The following STARD13 variants were observed in gnomAD, a reference collection of about 807,000 sequenced individuals.
The protein encoded by STARD13 is StAR related lipid transfer domain containing 13, also known as stAR-related lipid transfer protein 13.
STARD13 carries 62 observed loss-of-function variants against 106.4 expected under a neutral mutation model. The ratio of observed to expected loss-of-function variants is 0.58; its 90% confidence interval spans 0.48 to 0.72. The LOEUF is 0.72. Ranked by LOEUF, STARD13 falls within the 30% of genes least tolerant of loss-of-function variation. The pLI is 0.00. For missense variants in STARD13, 1,387 were observed against 1,424.0 expected, an observed-to-expected ratio of 0.97 and a Z score of 0.42; for synonymous variants, 565 against 553.0, an observed-to-expected ratio of 1.02 and a Z score of -0.31.
chr13:33,651,902 GAT>G, the STARD13 span, among the ~76,000 whole-genome samples: 1 of 152,172 alleles, frequency 6.6e-6, no homozygotes, highest in Non-Finnish European at 1.5e-5. Flanking sequence ...AGGCATCAGG[GAT>G]GTGAGTGAAG....
At chr13:33,167,455 G>GAA in intron 2 of STARD13, 96 bp downstream of exon 2, 3 of 1,293,932 alleles carry the variant, frequency 2.3e-6, no homozygotes, top group Non-Finnish European at 2.2e-6. Context: ...AAATGGGCGA[G>GAA]AAAAAAAAAT....
chr13:33,671,390 G>A, the STARD13 span, among the ~76,000 whole-genome samples: 24 of 152,260 alleles, frequency 1.6e-4, no homozygotes, highest in African/African-American at 5.5e-4. Context: ...GTTTAAAATT[G>A]GTTTTCTGGT....
the STARD13 span, among the ~76,000 whole-genome samples, chr13:33,643,291 C>T: frequency 2.6e-5 from 4 of 152,122 alleles, no homozygotes; most frequent in Admixed American, 1.3e-4. Context: ...CCTAAAAGAA[C>T]GCTGCGTATT....
intron 1 of STARD13, among the ~76,000 whole-genome samples, chr13:33,250,684 C>G (rs1374120545): frequency 2.0e-5 from 3 of 152,152 alleles, no homozygotes; most frequent in Admixed American, 2.0e-4. Context: ...TAATTTCAAC[C>G]AGTGATTTTG....
chr13:33,418,629 T>G, the STARD13 span, among the ~76,000 whole-genome samples: 1 of 152,240 alleles, frequency 6.6e-6, no homozygotes, highest in Non-Finnish European at 1.5e-5. Flanking sequence ...ATGGACAGAC[T>G]GCCTCCTCAA....
chr13:33,653,974 A>G, the STARD13 span, among the ~76,000 whole-genome samples: 17 of 152,230 alleles, frequency 1.1e-4, no homozygotes, highest in African/African-American at 3.9e-4. Context: ...CAAAACCACA[A>G]TGAGATACCA....
the STARD13 span, among the ~76,000 whole-genome samples, chr13:33,528,257 C>CATATATATGTATATATATATATATATAT: frequency 8.7e-4 from 81 of 92,862 alleles, 2 homozygotes; most frequent in African/African-American, 2.5e-3. Context: ...TATATATATA[C>CATATATATGTATATATATATATATATAT]ATATATATAT....
the STARD13 span, chr13:33,658,404 T>C: frequency 6.6e-6 from 1 of 152,266 alleles, no homozygotes; most frequent in African/African-American, 2.4e-5. Context: ...TTTGTTTATG[T>C]GGTGTTTTTA....
rs978763549 is a variant in STARD13, at chr13:33,104,648, A to C, written c.*945T>G. 9 of 153,062 alleles carry C rather than the reference A, an allele frequency of 5.9e-5. No individual in the cohort carries two copies. Among genetic ancestry groups the C allele is most frequent in the African/African-American group, 2.2e-4 (9 of 41,470 alleles). The allele number at this position is 153,062 out of a possible 1,614,324, so 9.5% of individuals were successfully genotyped here. A position where few individuals can be genotyped will look rare whatever the true frequency, so the allele number is the denominator to read the frequency against. On this transcript the variant is annotated 3_prime_UTR_variant, in exon 14 of 14. Coordinates refer to ENST00000336934, the MANE Select transcript of STARD13 (RefSeq NM_178006.4). The stretch of plus-strand genomic sequence containing the variant: ...GTCAAATAGAATGACATTTAATAAC[A>C]TTATGAAATGTATTTATAAAAACTT...
chr13:33,349,043 C>A (rs1031278382), exon 2 of STARD13: 11 of 688,710 alleles, frequency 1.6e-5, no homozygotes, highest in Non-Finnish European at 2.6e-5. Flanking sequence ...GGCAGAACAC[C>A]TAGCAAACCA....
intron 1 of STARD13, among the ~76,000 whole-genome samples, chr13:33,246,789 T>A (rs953733876): frequency 2.0e-5 from 3 of 152,170 alleles, no homozygotes; most frequent in Non-Finnish European, 4.4e-5. Flanking sequence ...GAATTATCTG[T>A]TGGCAAGAGA....
the STARD13 span, among the ~76,000 whole-genome samples, chr13:33,448,942 T>C: frequency 6.6e-6 from 1 of 152,044 alleles, no homozygotes; most frequent in Non-Finnish European, 1.5e-5. Context: ...GTTTTTGTTG[T>C]TGTTGTTGAG....
At chr13:33,226,435 CTTTTTTTTT>C (rs71196514) in intron 1 of STARD13, among the ~76,000 whole-genome samples, 1 of 130,250 alleles carries the variant, frequency 7.7e-6, no homozygotes, top group Admixed American at 7.7e-5. Context: ...AAATTTAGTT[CTTTTTTTTT>C]TTTTTTTTTT....
At chr13:33,475,263 T>C in the STARD13 span, among the ~76,000 whole-genome samples, 1 of 152,152 alleles carries the variant, frequency 6.6e-6, no homozygotes, top group African/African-American at 2.4e-5. Flanking sequence ...TTACTAAGAA[T>C]AAGAATTCTA....
At chr13:33,220,954 G>A (rs941419667) in intron 1 of STARD13, among the ~76,000 whole-genome samples, 1 of 152,112 alleles carries the variant, frequency 6.6e-6, no homozygotes, top group Admixed American at 6.5e-5. Context: ...GGAGCAGTTA[G>A]AGGAGTTCAC....
chr13:33,247,247 G>T (rs1889871753), intron 1 of STARD13, among the ~76,000 whole-genome samples: 1 of 151,640 alleles, frequency 6.6e-6, no homozygotes, highest in South Asian at 2.1e-4. Flanking sequence ...TAAATAAAAC[G>T]GCTGGAAAAA....
the STARD13 span, among the ~76,000 whole-genome samples, chr13:33,541,154 G>C: frequency 2.0e-5 from 3 of 152,002 alleles, no homozygotes; most frequent in Non-Finnish European, 4.4e-5. Flanking sequence ...ATACGATGTA[G>C]AGAAAGATGG....
At chr13:33,634,828 T>C in the STARD13 span, among the ~76,000 whole-genome samples, 4 of 152,138 alleles carry the variant, frequency 2.6e-5, no homozygotes, top group African/African-American at 9.7e-5. Context: ...GTGGTGTCGC[T>C]GCGAATGAAG....
intron 1 of STARD13, among the ~76,000 whole-genome samples, chr13:33,252,424 A>G (rs1040398492): frequency 4.7e-4 from 72 of 152,216 alleles, no homozygotes; most frequent in African/African-American, 1.6e-3. Flanking sequence ...AACCACAGTG[A>G]GTGACGGAGA....
Sources: gnomAD v4.1 joint callset for allele counts (sites outside exome capture counted in the v4.1 genomes callset) on GRCh38, gnomAD v4.1.1 for gene constraint, MANE v1.5 for transcripts, NCBI Gene and HGNC (gene_info 2026-07-23, HGNC 2026-07-21) for gene names.